CMSS1: variants seen among roughly 807,000 people sequenced by gnomAD.
CMSS1 encodes the protein cms1 ribosomal small subunit homolog, also known as protein CMSS1.
A neutral mutation model predicts 43.5 loss-of-function variants in CMSS1; 33 were observed. The observed-to-expected ratio is 0.76, with a 90% CI of 0.57 to 1.01. The LOEUF (loss-of-function observed/expected upper bound fraction) is 1.01. Ranked by LOEUF, CMSS1 falls within the 50% of genes least tolerant of loss-of-function variation. CMSS1 has a pLI of 0.00. For missense variants in CMSS1, 313 were observed against 326.4 expected, an observed-to-expected ratio of 0.96 and a Z score of 0.32; for synonymous variants, 115 against 117.2, an observed-to-expected ratio of 0.98 and a Z score of 0.12.
At chr3:100,057,524 C>T (rs1337291981) in intron 1 of CMSS1, among the ~76,000 whole-genome samples, 1 of 152,182 alleles carries the variant, frequency 6.6e-6, no homozygotes, top group Non-Finnish European at 1.5e-5. Flanking sequence ...ATTTTGTGTT[C>T]TGCGTCTTAT....
chr3:100,090,908 G>A (rs1422916822), intron 1 of CMSS1, among the ~76,000 whole-genome samples: 7 of 152,172 alleles, frequency 4.6e-5, no homozygotes, highest in Non-Finnish European at 8.8e-5. Flanking sequence ...AACTTGAAAT[G>A]AGTGCAGAGG....
chr3:100,178,255 C>T (rs888191360), intron 9 of CMSS1, 50 bp from the exon 10 acceptor site: 2 of 1,147,504 alleles, frequency 1.7e-6, no homozygotes, highest in African/African-American at 3.1e-5. Context: ...TTCACCAAGA[C>T]CATTTTGGCT....
chr3:99,832,261 C>T (rs1345577032), intron 1 of CMSS1, among the ~76,000 whole-genome samples: 9 of 146,732 alleles, frequency 6.1e-5, no homozygotes, highest in Non-Finnish European at 6.0e-5. Flanking sequence ...GACGGAGTCT[C>T]GCTGTATCAC....
intron 1 of CMSS1, among the ~76,000 whole-genome samples, chr3:99,885,191 G>A (rs1446274069): frequency 6.6e-6 from 1 of 152,180 alleles, no homozygotes; most frequent in Non-Finnish European, 1.5e-5. Context: ...CACAGAAGCA[G>A]CCTTCAGTTA....
chr3:99,957,494 G>T (rs1708354652), intron 1 of CMSS1, among the ~76,000 whole-genome samples: 1 of 151,926 alleles, frequency 6.6e-6, no homozygotes, highest in Non-Finnish European at 1.5e-5. Context: ...TCCTCATTAG[G>T]TTTCTGTGTG....
chr3:99,830,508 A>G (rs899886228), intron 1 of CMSS1: 14 of 456,584 alleles, frequency 3.1e-5, no homozygotes, highest in Non-Finnish European at 4.8e-5. Flanking sequence ...AGGCTTATCC[A>G]TAGGCACTGT....
At chr3:99,993,161 A>G (rs1025818818) in intron 1 of CMSS1, among the ~76,000 whole-genome samples, 3 of 151,990 alleles carry the variant, frequency 2.0e-5, no homozygotes, top group African/African-American at 7.2e-5. Context: ...TGGGTTTCAT[A>G]TGAGTTTTAG....
At chr3:99,872,269 C>CTGTGTGTGTGTGTGTGTGTGTGTGTG (rs55727823) in intron 1 of CMSS1, among the ~76,000 whole-genome samples, 1 of 110,740 alleles carries the variant, frequency 9.0e-6, no homozygotes, top group Admixed American at 9.0e-5. Flanking sequence ...TGTGCCAGGA[C>CTGTGTGTGTGTGTGTGTGTGTGTGTG]TGTGTGTGTG....
chr3:100,015,698 G>C (rs556603876), intron 1 of CMSS1, among the ~76,000 whole-genome samples: 9 of 152,302 alleles, frequency 5.9e-5, no homozygotes, highest in Non-Finnish European at 1.2e-4. Context: ...CTGTGCTTCA[G>C]TGTCTTCATC....
chr3:99,841,047 G>A (rs1943109033), intron 1 of CMSS1, among the ~76,000 whole-genome samples: 1 of 152,206 alleles, frequency 6.6e-6, no homozygotes, highest in Non-Finnish European at 1.5e-5. Flanking sequence ...CATAATATCT[G>A]CCCCAGTGGC....
chr3:99,867,741 C>T (rs1225989552), intron 1 of CMSS1, among the ~76,000 whole-genome samples: 1 of 152,144 alleles, frequency 6.6e-6, no homozygotes, highest in African/African-American at 2.4e-5. Flanking sequence ...TCCCTTCTTT[C>T]CTATATAACA....
At chr3:100,148,318 A>G (rs1317042969) in intron 2 of CMSS1, among the ~76,000 whole-genome samples, 7 of 152,110 alleles carry the variant, frequency 4.6e-5, no homozygotes, top group African/African-American at 1.7e-4. Flanking sequence ...GGCTCAAGTG[A>G]TCCTCTTTCC....
intron 6 of CMSS1, 38 bp downstream of exon 6, chr3:100,167,878 C>A: frequency 7.3e-7 from 1 of 1,365,434 alleles, no homozygotes; most frequent in South Asian, 1.2e-5. Flanking sequence ...TAAATGTTTT[C>A]TGAATAACTG....
intron 1 of CMSS1, among the ~76,000 whole-genome samples, chr3:100,024,282 G>T (rs1365777933): frequency 6.6e-6 from 1 of 152,100 alleles, no homozygotes; most frequent in East Asian, 1.9e-4. Context: ...TAGGTTTGCC[G>T]ATTACAATTT....
At chr3:99,820,886 G>A (rs1401552868) in intron 1 of CMSS1, among the ~76,000 whole-genome samples, 2 of 152,230 alleles carry the variant, frequency 1.3e-5, no homozygotes, top group Non-Finnish European at 2.9e-5. Flanking sequence ...AGAAAGGAAA[G>A]ATAGTTGTAT....
At chr3:100,104,765 C>T (rs566875535) in intron 1 of CMSS1, among the ~76,000 whole-genome samples, 3 of 152,264 alleles carry the variant, frequency 2.0e-5, no homozygotes, top group African/African-American at 7.2e-5. Flanking sequence ...TCAAGAGAAA[C>T]TCAGAAAAAA....
intron 1 of CMSS1, among the ~76,000 whole-genome samples, chr3:99,846,656 G>C (rs1013500567): frequency 6.6e-6 from 1 of 152,176 alleles, no homozygotes; most frequent in South Asian, 2.1e-4. Context: ...AGCCCATAGC[G>C]TTGGTGTTGC....
intron 1 of CMSS1, among the ~76,000 whole-genome samples, chr3:100,134,291 C>T: frequency 6.6e-6 from 1 of 151,922 alleles, no homozygotes. Flanking sequence ...AGAAGTTGGC[C>T]CAAACCAGTA....
intron 1 of CMSS1, among the ~76,000 whole-genome samples, chr3:100,018,496 AG>A (rs1286861507): frequency 6.6e-6 from 1 of 152,188 alleles, no homozygotes; most frequent in Non-Finnish European, 1.5e-5. Flanking sequence ...GGAAATGGAT[AG>A]CCACATGCAG....
Sources: gnomAD v4.1 joint callset for allele counts (sites outside exome capture counted in the v4.1 genomes callset) on GRCh38, gnomAD v4.1.1 for gene constraint, MANE v1.5 for transcripts, NCBI Gene and HGNC (gene_info 2026-07-23, HGNC 2026-07-21) for gene names.